Variants in ZNF148 observed in about 807,000 individuals in gnomAD.
The protein encoded by ZNF148 is zinc finger protein 148.
Under a neutral mutation model 67.7 loss-of-function variants are expected in ZNF148, and 7 were observed. The ratio of observed to expected loss-of-function variants is 0.10; its 90% CI spans 0.06 to 0.19. ZNF148 has a LOEUF of 0.19. Ranked by LOEUF, ZNF148 falls within the 10% of genes least tolerant of loss-of-function variation. The pLI, the probability that ZNF148 is intolerant of heterozygous loss-of-function variation, is 1.00. For missense variants in ZNF148, 583 were observed against 947.1 expected (o/e 0.62, Z 5.05); for synonymous variants, 333 against 330.7 (o/e 1.01, Z -0.08).
At chr3:125,306,459 T>G (rs544472901) in intron 4 of ZNF148, among the ~76,000 whole-genome samples, 2 of 152,086 alleles carry the variant, frequency 1.3e-5, no homozygotes, top group Non-Finnish European at 2.9e-5. Flanking sequence ...GAAATCACCA[T>G]TGATCCTTAA....
chr3:125,331,639 T>G (rs1941295619), intron 1 of ZNF148, among the ~76,000 whole-genome samples: 1 of 152,214 alleles, frequency 6.6e-6, no homozygotes, highest in Non-Finnish European at 1.5e-5. Context: ...CTTGATAAAC[T>G]CTTACAGTAA....
At chr3:125,347,985 G>A (rs1458535495) in intron 1 of ZNF148, among the ~76,000 whole-genome samples, 1 of 152,152 alleles carries the variant, frequency 6.6e-6, no homozygotes, top group Non-Finnish European at 1.5e-5. Flanking sequence ...ATGGATTAAA[G>A]ACCTGGCTCA....
At chr3:125,338,344 A>C (rs1427242491) in intron 1 of ZNF148, among the ~76,000 whole-genome samples, 2 of 152,220 alleles carry the variant, frequency 1.3e-5, no homozygotes, top group Non-Finnish European at 2.9e-5. Context: ...AATCAGAGAA[A>C]ACTCATCATT....
chr3:125,343,931 T>C (rs1941838435), intron 1 of ZNF148, among the ~76,000 whole-genome samples: 1 of 152,142 alleles, frequency 6.6e-6, no homozygotes, highest in Non-Finnish European at 1.5e-5. Context: ...AAATGGGGAC[T>C]CTGTTGAGCT....
At chr3:125,298,374 T>C (rs111963049) in intron 4 of ZNF148, among the ~76,000 whole-genome samples, 2,302 of 39,810 alleles carry the variant, frequency 0.058, 39 homozygotes, top group Middle Eastern at 0.17. Flanking sequence ...CACACACACA[T>C]GCTCCTTTCC....
At chr3:125,371,842 A>T (rs1942899073) in intron 1 of ZNF148, among the ~76,000 whole-genome samples, 1 of 151,914 alleles carries the variant, frequency 6.6e-6, no homozygotes, top group Non-Finnish European at 1.5e-5. Context: ...AGGCGGGTAG[A>T]TCACGAGGTC....
At chr3:125,322,790 A>T (rs947022947) in intron 3 of ZNF148, among the ~76,000 whole-genome samples, 2 of 152,230 alleles carry the variant, frequency 1.3e-5, no homozygotes, top group Non-Finnish European at 2.9e-5. Context: ...AATATATCAA[A>T]CTTAAGTGAT....
At chr3:125,316,457 C>T (rs1490405034) in intron 3 of ZNF148, among the ~76,000 whole-genome samples, 1 of 152,174 alleles carries the variant, frequency 6.6e-6, no homozygotes, top group Non-Finnish European at 1.5e-5. Flanking sequence ...ATTTACATTC[C>T]CACCAACAGC....
intron 7 of ZNF148, among the ~76,000 whole-genome samples, chr3:125,258,391 C>G (rs1445996429): frequency 7.1e-6 from 1 of 141,788 alleles, no homozygotes; most frequent in Non-Finnish European, 1.5e-5. Context: ...CGCCACTGCA[C>G]TCCAGCCTGG....
intron 7 of ZNF148, among the ~76,000 whole-genome samples, chr3:125,274,060 A>C (rs1419496025): frequency 6.6e-6 from 1 of 152,248 alleles, no homozygotes; most frequent in East Asian, 1.9e-4. Flanking sequence ...AAAATAACAC[A>C]ACTATGGATA....
At position 125,324,461 on chromosome 3, in the gene ZNF148, AT is replaced by A. The variant is rs760479027; in HGVS notation, c.-152-1018del. Among the ~76,000 whole-genome samples, 9 of 152,314 alleles carry A rather than the reference AT, an allele frequency of 5.9e-5. No homozygotes were observed. The East Asian group carries it at 1.5e-3, about 26-fold the overall frequency. ...AAAGATAGATAAAATCATATGGAAA[AT>A]TTTTAGCACACTCAAAACAAAAACA... On this transcript the variant is annotated intron_variant, in intron 2 of 8. Coordinates refer to ENST00000360647, the MANE Select transcript of ZNF148 (RefSeq NM_021964.3).
intron 4 of ZNF148, among the ~76,000 whole-genome samples, chr3:125,297,249 A>G (rs544129992): frequency 7.2e-5 from 11 of 152,266 alleles, no homozygotes; most frequent in Non-Finnish European, 1.2e-4. Context: ...AGAACTATCA[A>G]CTAAATCTTA....
At chr3:125,264,186 T>C (rs1489160104) in intron 7 of ZNF148, among the ~76,000 whole-genome samples, 1 of 152,212 alleles carries the variant, frequency 6.6e-6, no homozygotes, top group Non-Finnish European at 1.5e-5. Context: ...TAAAGCACTT[T>C]CCTGGGTTCT....
At chr3:125,301,554 T>C (rs772167364) in intron 4 of ZNF148, among the ~76,000 whole-genome samples, 9 of 152,222 alleles carry the variant, frequency 5.9e-5, no homozygotes, top group South Asian at 2.1e-4. Flanking sequence ...TTTTTTTGCT[T>C]TGAACTAACC....
At chr3:125,304,251 A>G (rs1213240993) in intron 4 of ZNF148, among the ~76,000 whole-genome samples, 1 of 152,170 alleles carries the variant, frequency 6.6e-6, no homozygotes, top group Non-Finnish European at 1.5e-5. Flanking sequence ...ATAGAGGGGC[A>G]GCTCAGCATG....
At chr3:125,358,129 T>C (rs747652796) in intron 1 of ZNF148, among the ~76,000 whole-genome samples, 14 of 152,138 alleles carry the variant, frequency 9.2e-5, no homozygotes, top group Non-Finnish European at 1.6e-4. Flanking sequence ...CTATCCAAAA[T>C]GGTGAAACCT....
At chr3:125,288,365 C>A (rs918600031) in intron 4 of ZNF148, 137 bp from the exon 5 acceptor site, 5 of 853,566 alleles carry the variant, frequency 5.9e-6, no homozygotes, top group Admixed American at 5.7e-5. Context: ...TGTGTCCTAA[C>A]TATATACAGT....
rs2040941570 is a variant in ZNF148 at position 125,273,886 on chromosome 3, C to G, written c.667+3840G>C. Among the ~76,000 whole-genome samples, 4 of 151,972 alleles carry G rather than the reference C, an allele frequency of 2.6e-5. No individual in the cohort carries two copies. The South Asian group carries it at 8.3e-4, about 32-fold the overall frequency. On this transcript the variant is annotated intron_variant, in intron 7 of 8. Transcript: ENST00000360647. ...AAAACTGGCATAACTAAAAAGCTAC[C>G]ATAATTTGTATAACAGAACATCAGG...
chr3:125,296,516 T>C (rs1348004296), intron 4 of ZNF148, among the ~76,000 whole-genome samples: 1 of 152,192 alleles, frequency 6.6e-6, no homozygotes, highest in Non-Finnish European at 1.5e-5. Flanking sequence ...ATCTAGAAAT[T>C]ATACTTCATA....
Sources: allele counts gnomAD v4.1 joint callset (sites outside exome capture counted in the v4.1 genomes callset), GRCh38; gene constraint gnomAD v4.1.1; transcripts MANE v1.5; gene names NCBI Gene and HGNC (gene_info 2026-07-23, HGNC 2026-07-21).